Variants in SLC38A9 observed in about 807,000 individuals in gnomAD.
The protein encoded by SLC38A9 is neutral amino acid transporter 9.
In SLC38A9, 48 loss-of-function variants were observed where a neutral mutation model predicts 62.3. The observed-to-expected ratio is 0.77, with a 90% CI of 0.61 to 0.98. The LOEUF (loss-of-function observed/expected upper bound fraction) is 0.98, where lower values mean the gene tolerates loss of function less well. Ranked by LOEUF, SLC38A9 falls within the 50% of genes least tolerant of loss-of-function variation. The pLI is 0.00. For missense variants in SLC38A9, 541 were observed against 679.8 expected, an observed-to-expected ratio of 0.80 and a Z score of 2.27; for synonymous variants, 204 against 227.7, an observed-to-expected ratio of 0.90 and a Z score of 0.94.
At chr5:55,656,860 C>CTTT (rs11397177) in intron 8 of SLC38A9, 86 bp from the exon 9 acceptor site, 27,535 of 455,230 alleles carry the variant, frequency 0.06, 225 homozygotes, top group East Asian at 0.11. Flanking sequence ...TTATAAAAAT[C>CTTT]TTTTTTTTTT....
intron 3 of SLC38A9, among the ~76,000 whole-genome samples, chr5:55,676,968 A>G (rs11746819): frequency 0.6 from 91,033 of 152,052 alleles, 27,849 homozygotes; most frequent in South Asian, 0.7. Flanking sequence ...CCCATCTGCA[A>G]TTTCACACAC....
intron 3 of SLC38A9, among the ~76,000 whole-genome samples, chr5:55,689,074 A>G (rs1293520706): frequency 6.6e-6 from 1 of 152,238 alleles, no homozygotes; most frequent in Non-Finnish European, 1.5e-5. Flanking sequence ...ATCTGTATAC[A>G]CTAAACAAAG....
chr5:55,655,198 C>T (rs1748188519), intron 9 of SLC38A9, among the ~76,000 whole-genome samples: 2 of 152,116 alleles, frequency 1.3e-5, no homozygotes, highest in Non-Finnish European at 2.9e-5. Context: ...GTTTACTACA[C>T]TGTTCAAAAT....
At chr5:55,680,885 G>A (rs934303041) in intron 3 of SLC38A9, among the ~76,000 whole-genome samples, 2 of 152,198 alleles carry the variant, frequency 1.3e-5, no homozygotes, top group African/African-American at 2.4e-5. Context: ...ATTGCTAGTC[G>A]CATTCTGCAG....
chr5:55,660,280 G>A (rs1266604371), intron 8 of SLC38A9, among the ~76,000 whole-genome samples: 1 of 151,898 alleles, frequency 6.6e-6, no homozygotes, highest in Non-Finnish European at 1.5e-5. Flanking sequence ...CATGGTGGTG[G>A]TATTTGCCTG....
chr5:55,632,444 C>T (rs1743643042), intron 14 of SLC38A9, among the ~76,000 whole-genome samples: 1 of 151,498 alleles, frequency 6.6e-6, no homozygotes, highest in Non-Finnish European at 1.5e-5. Flanking sequence ...TCTCAGAAAA[C>T]AAAAACAAAC....
At chr5:55,674,406 GCT>G (rs754382132) in intron 3 of SLC38A9, among the ~76,000 whole-genome samples, 27 of 152,294 alleles carry the variant, frequency 1.8e-4, no homozygotes, top group Middle Eastern at 6.8e-3. Flanking sequence ...GGTCATGAGG[GCT>G]CTGAGTTCAC....
intron 3 of SLC38A9, among the ~76,000 whole-genome samples, 192 bp downstream of exon 3, chr5:55,697,654 G>GAAAAAA (rs3042033): frequency 7.6e-6 from 1 of 131,298 alleles, no homozygotes. Flanking sequence ...TGAGTTTAGT[G>GAAAAAA]AAAAAAAAAA....
At chr5:55,656,923 CG>C in intron 8 of SLC38A9, 149 bp from the exon 9 acceptor site, 1 of 363,900 alleles carries the variant, frequency 2.7e-6, no homozygotes, top group Non-Finnish European at 4.8e-6. Context: ...TGCAGTGGCA[CG>C]ATCTTGGCTT....
At chr5:55,631,870 A>C (rs1417075842) in intron 14 of SLC38A9, among the ~76,000 whole-genome samples, 1 of 152,140 alleles carries the variant, frequency 6.6e-6, no homozygotes, top group East Asian at 1.9e-4. Flanking sequence ...CTATAAAAAG[A>C]CTTAATGTAA....
Position 55,650,861 on chromosome 5 carries a change from G to A in SLC38A9, c.953-1547C>T, listed in dbSNP as rs553417488. Among the ~76,000 whole-genome samples the A allele has an allele frequency of 5.2e-3, 789 of 152,218 alleles. 5 individuals are homozygous for A. Among genetic ancestry groups the A allele is most frequent in the Non-Finnish European group, 7.8e-3 (529 of 68,004 alleles). ...CGCTGGAGTGCAATGGCATGATCTC[G>A]GCTCACTGCAACCTCCGCCTCCTGG... On this transcript the variant is annotated intron_variant, in intron 10 of 15. Transcript: ENST00000396865.
intron 3 of SLC38A9, among the ~76,000 whole-genome samples, chr5:55,682,917 T>C (rs1753230014): frequency 6.7e-6 from 1 of 148,792 alleles, no homozygotes; most frequent in Non-Finnish European, 1.5e-5. Flanking sequence ...AGAAGGAACA[T>C]AATGAATGTT....
At chr5:55,685,676 A>C (rs976310791) in intron 3 of SLC38A9, among the ~76,000 whole-genome samples, 1 of 152,124 alleles carries the variant, frequency 6.6e-6, no homozygotes, top group African/African-American at 2.4e-5. Context: ...GTGCCTATGT[A>C]CATAGGCAAA....
chr5:55,709,471 C>T (rs909835055), intron 2 of SLC38A9, among the ~76,000 whole-genome samples: 1 of 151,480 alleles, frequency 6.6e-6, no homozygotes, highest in Non-Finnish European at 1.5e-5. Context: ...AATCCCAATG[C>T]TTTGGGAGGC....
chr5:55,672,764 A>C, intron 3 of SLC38A9, 69 bp from the exon 4 acceptor site: 1 of 1,514,206 alleles, frequency 6.6e-7, no homozygotes, highest in Non-Finnish European at 9.0e-7. Flanking sequence ...CTTTGAAGAA[A>C]ATAACTTCTT....
At position 55,625,962 on chromosome 5, in the gene SLC38A9, T is replaced by G. The variant is rs1742361924; in HGVS notation, c.*532A>C. 6.5e-6 allele frequency: 1 copy of G among 152,726 alleles called. No homozygotes were observed. Among genetic ancestry groups the G allele is most frequent in the African/African-American group, 2.4e-5 (1 of 41,448 alleles). The allele number at this position is 152,726 out of a possible 1,614,324, so 9.5% of individuals were successfully genotyped here. ...CTTCAAATAGAGATTAAGACTCAGT[T>G]AAAAATGTACTTTATTAACACTGAT... On this transcript the variant is annotated 3_prime_UTR_variant, in exon 16 of 16. Coordinates refer to ENST00000396865, the MANE Select transcript of SLC38A9 (RefSeq NM_173514.4).
At chr5:55,711,825 C>T (rs1238052321) in intron 1 of SLC38A9, among the ~76,000 whole-genome samples, 1 of 152,202 alleles carries the variant, frequency 6.6e-6, no homozygotes, top group Non-Finnish European at 1.5e-5. Flanking sequence ...AAGAAGGGTG[C>T]TCCCATTCCT....
chr5:55,675,399 AT>A (rs1751957239), intron 3 of SLC38A9: 2 of 152,234 alleles, frequency 1.3e-5, no homozygotes, highest in African/African-American at 4.8e-5. Flanking sequence ...AACTCAGCAT[AT>A]TTAACTGAAT....
At chr5:55,658,537 T>C (rs574539565) in intron 8 of SLC38A9, among the ~76,000 whole-genome samples, 6 of 152,298 alleles carry the variant, frequency 3.9e-5, no homozygotes, top group Admixed American at 3.3e-4. Flanking sequence ...ACTGGAGTGA[T>C]GTACCTACTT....
Sources: allele counts gnomAD v4.1 joint callset (sites outside exome capture counted in the v4.1 genomes callset), GRCh38; gene constraint gnomAD v4.1.1; transcripts MANE v1.5; gene names NCBI Gene and HGNC (gene_info 2026-07-23, HGNC 2026-07-21).